NELL1: variants seen among roughly 807,000 people sequenced by gnomAD.
NELL1 encodes the protein protein kinase C-binding protein NELL1.
In NELL1, 76 loss-of-function variants were observed where a neutral mutation model predicts 107.4. The ratio of observed to expected loss-of-function variants is 0.71; its 90% CI spans 0.59 to 0.86. NELL1 has a LOEUF of 0.86. Ranked by LOEUF, NELL1 falls within the 40% of genes least tolerant of loss-of-function variation. The pLI, the probability that NELL1 is intolerant of heterozygous loss-of-function variation, is 0.00. For synonymous variants in NELL1, 353 were observed against 341.2 expected (o/e 1.03, Z -0.38); for missense variants, 1,024 against 1,005.5 (o/e 1.02, Z -0.25).
chr11:21,200,492 C>T (rs1307686730), intron 13 of NELL1, among the ~76,000 whole-genome samples: 1 of 151,154 alleles, frequency 6.6e-6, no homozygotes, highest in African/African-American at 2.4e-5. Flanking sequence ...GATTTTTTTT[C>T]TTGTAAATTT....
intron 13 of NELL1, among the ~76,000 whole-genome samples, chr11:21,175,701 A>T (rs141967876): frequency 6.6e-6 from 1 of 152,016 alleles, no homozygotes; most frequent in East Asian, 1.9e-4. Flanking sequence ...ACAGTATAGA[A>T]GAAGCTTCAG....
At chr11:20,715,173 A>G (rs1855215426) in intron 2 of NELL1, among the ~76,000 whole-genome samples, 1 of 152,006 alleles carries the variant, frequency 6.6e-6, no homozygotes, top group Non-Finnish European at 1.5e-5. Context: ...TGAACCCAGG[A>G]GGTGGAGCTT....
chr11:20,877,894 C>A (rs1055853246), intron 4 of NELL1, among the ~76,000 whole-genome samples: 1 of 152,134 alleles, frequency 6.6e-6, no homozygotes, highest in Non-Finnish European at 1.5e-5. Flanking sequence ...AATACAAAGC[C>A]TGAGACTCAT....
At chr11:21,286,656 T>C (rs751036472) in intron 14 of NELL1, among the ~76,000 whole-genome samples, 7 of 152,240 alleles carry the variant, frequency 4.6e-5, no homozygotes, top group Non-Finnish European at 8.8e-5. Context: ...TTAAAATTTC[T>C]CTATCTGTTA....
At chr11:20,701,532 T>A (rs1332022036) in intron 2 of NELL1, among the ~76,000 whole-genome samples, 1 of 152,110 alleles carries the variant, frequency 6.6e-6, no homozygotes. Flanking sequence ...ATTTGTCAAC[T>A]TTGGCTTTTG....
At position 20,745,470 on chromosome 11, in the gene NELL1, G is replaced by A. The variant is rs116923323; in HGVS notation, c.185-38210G>A. On this transcript the variant is annotated intron_variant, in intron 2 of 19. Coordinates refer to ENST00000357134, the MANE Select transcript of NELL1 (RefSeq NM_006157.5). ...TTAGTGTGTTCTTCCTCAAAATTGCGGGCTTTACCACCATCTGCACATGTT... is the reference window on the plus strand; with the variant it reads ...TTAGTGTGTTCTTCCTCAAAATTGCAGGCTTTACCACCATCTGCACATGTT... Among the ~76,000 whole-genome samples, 766 of 152,206 alleles carry A rather than the reference G, an allele frequency of 5.0e-3. 7 individuals are homozygous for A. Among genetic ancestry groups the A allele is most frequent in the Middle Eastern group, 0.01 (3 of 294 alleles).
At chr11:20,691,316 C>G (rs537275630) in intron 2 of NELL1, among the ~76,000 whole-genome samples, 21 of 151,420 alleles carry the variant, frequency 1.4e-4, no homozygotes, top group African/African-American at 4.4e-4. Context: ...ACTTCCAACA[C>G]TATGTTGAAT....
intron 14 of NELL1, among the ~76,000 whole-genome samples, chr11:21,334,237 G>C (rs1850336072): frequency 6.6e-6 from 1 of 151,920 alleles, no homozygotes. Flanking sequence ...AGATATTATG[G>C]GTGGTAAATA....
At chr11:20,717,894 T>C (rs1275373414) in intron 2 of NELL1, among the ~76,000 whole-genome samples, 1 of 152,246 alleles carries the variant, frequency 6.6e-6, no homozygotes, top group Non-Finnish European at 1.5e-5. Flanking sequence ...AGTGCATATG[T>C]TGGTGTTAGT....
chr11:21,247,715 C>A (rs1357673729), intron 14 of NELL1, among the ~76,000 whole-genome samples: 1 of 152,154 alleles, frequency 6.6e-6, no homozygotes, highest in Non-Finnish European at 1.5e-5. Context: ...AAGACATAAA[C>A]CAGTAACATA....
chr11:20,857,111 C>T (rs1426466290), intron 4 of NELL1, among the ~76,000 whole-genome samples: 3 of 152,114 alleles, frequency 2.0e-5, no homozygotes, highest in African/African-American at 7.2e-5. Context: ...GTGCATACAG[C>T]ATGCATCCAG....
intron 15 of NELL1, among the ~76,000 whole-genome samples, chr11:21,395,899 TAAAAC>T: frequency 6.7e-6 from 1 of 150,030 alleles, no homozygotes; most frequent in South Asian, 2.1e-4. Context: ...ATTAGAAAAA[TAAAAC>T]AAACAAAAAA....
chr11:20,681,855 A>C (rs1565304647), intron 2 of NELL1, among the ~76,000 whole-genome samples: 1 of 152,032 alleles, frequency 6.6e-6, no homozygotes, highest in Non-Finnish European at 1.5e-5. Context: ...TCATGGCTGC[A>C]TCAGTCCAAG....
intron 5 of NELL1, among the ~76,000 whole-genome samples, chr11:20,910,866 G>T (rs1850114439): frequency 6.6e-6 from 1 of 152,110 alleles, no homozygotes; most frequent in Non-Finnish European, 1.5e-5. Flanking sequence ...TTTCCTGAAG[G>T]AAATGCAGAT....
chr11:20,915,718 T>TATATATATA lies in NELL1; in HGVS notation c.604-2464_604-2463insATATATATA, dbSNP rs375263928. ...CATAGATGATATATATATATATATA[T>TATATATATA]TTTTTTTTTTTTTTTTTGAGAGGAA... On this transcript the variant is annotated intron_variant, in intron 5 of 19. Coordinates refer to ENST00000357134, the MANE Select transcript of NELL1 (RefSeq NM_006157.5). Among the ~76,000 whole-genome samples the TATATATATA allele has an allele frequency of 8.1e-4, 40 of 49,254 alleles. 1 individual carries two copies. The highest frequency in any genetic ancestry group is 3.0e-3 in the African/African-American group (32 of 10,718). The allele number at this position is 49,254 out of a possible 152,430, so 32.3% of individuals were successfully genotyped here. A position where few individuals can be genotyped will look rare whatever the true frequency, so the allele number is the denominator to read the frequency against.
At chr11:21,110,014 C>T (rs1453482554) in intron 12 of NELL1, among the ~76,000 whole-genome samples, 1 of 152,102 alleles carries the variant, frequency 6.6e-6, no homozygotes, top group Non-Finnish European at 1.5e-5. Context: ...CTTTTATCTT[C>T]TTGTTTCAAG....
At chr11:21,104,201 G>A in intron 12 of NELL1, among the ~76,000 whole-genome samples, 1 of 152,154 alleles carries the variant, frequency 6.6e-6, no homozygotes, top group African/African-American at 2.4e-5. Context: ...GACAGATTGA[G>A]GTAGGCTGAG....
intron 12 of NELL1, among the ~76,000 whole-genome samples, chr11:21,107,900 T>C (rs1376944681): frequency 1.3e-5 from 2 of 152,168 alleles, no homozygotes; most frequent in African/African-American, 2.4e-5. Context: ...AGAACTTGAC[T>C]CTTAACTGTC....
Position 20,915,717 on chromosome 11 carries a change from A to ATATATATATATATATATATAT in NELL1, c.604-2464_604-2463insATATATATATATATATATATT. ...TCATAGATGATATATATATATATAT[A>ATATATATATATATATATATAT]TTTTTTTTTTTTTTTTTTGAGAGGA... is the stretch of plus-strand genomic sequence containing the variant. On this transcript the variant is annotated intron_variant, in intron 5 of 19. Coordinates refer to ENST00000357134, the MANE Select transcript of NELL1 (RefSeq NM_006157.5). Among the ~76,000 whole-genome samples, 349 of 58,200 alleles carry ATATATATATATATATATATAT rather than the reference A, an allele frequency of 6.0e-3. 6 individuals carry two copies. The highest frequency in any genetic ancestry group is 8.2e-3 in the Non-Finnish European group (280 of 34,152). The allele number at this position is 58,200 out of a possible 152,430, so 38.2% of individuals were successfully genotyped here.
Sources: allele counts gnomAD v4.1 joint callset (sites outside exome capture counted in the v4.1 genomes callset), GRCh38; gene constraint gnomAD v4.1.1; transcripts MANE v1.5; gene names NCBI Gene and HGNC (gene_info 2026-07-23, HGNC 2026-07-21).